Variants in ACTR6 observed in about 807,000 individuals in gnomAD.
ACTR6 encodes the protein actin related protein 6.
A neutral mutation model predicts 52.5 loss-of-function variants in ACTR6; 50 were observed. The ratio of observed to expected loss-of-function variants is 0.95; its 90% CI spans 0.76 to 1.20. The LOEUF is 1.20. ACTR6 is among the 50% of genes most tolerant of loss of function. ACTR6 has a pLI of 0.00. For missense variants in ACTR6, 344 were observed against 472.4 expected (o/e 0.73, Z 2.52); for synonymous variants, 135 against 147.2 (o/e 0.92, Z 0.60).
Position 100,210,329 on chromosome 12 carries a change from C to T in ACTR6, c.550C>T (p.Leu184=), listed in dbSNP as rs767919047. The stretch of plus-strand genomic sequence containing the variant: ...GGGAGGAAAACTCTTAACCAATCAT[C>T]TAAAGGAGATCATATCTTACAGGTG... ...NVGGKLLTNH[L]KEIISYRQLH... is the part of the protein sequence containing the mutation. Residue 184 remains leucine, a synonymous_variant, in exon 6 of 11, where the codon CTA becomes TTA. Transcript: ENST00000188312. The T allele has an allele frequency of 6.2e-7, 1 of 1,614,114 alleles. No homozygotes were observed. Among genetic ancestry groups the T allele is most frequent in the South Asian group, 1.1e-5 (1 of 91,070 alleles).
chr12:100,205,198 T>TA, intron 2 of ACTR6, 141 bp downstream of exon 2: 5 of 449,314 alleles, frequency 1.1e-5, no homozygotes, highest in East Asian at 4.1e-5. Context: ...ATTGTTTGGG[T>TA]AAAAATAAAC....
At chr12:100,213,418 C>G (rs1453568135) in intron 8 of ACTR6, among the ~76,000 whole-genome samples, 12 of 152,230 alleles carry the variant, frequency 7.9e-5, no homozygotes, top group African/African-American at 2.9e-4. Context: ...TTACTACCTT[C>G]CTGCTGGCCA....
intron 1 of ACTR6, among the ~76,000 whole-genome samples, chr12:100,201,781 C>A (rs143199559): frequency 6.6e-6 from 1 of 152,168 alleles, no homozygotes; most frequent in Non-Finnish European, 1.5e-5. Flanking sequence ...ACCACCACTC[C>A]CAGCGAATTT....
intron 3 of ACTR6, 124 bp downstream of exon 3, chr12:100,205,868 TA>T (rs2096114133): frequency 3.9e-6 from 2 of 511,624 alleles, no homozygotes; most frequent in Non-Finnish European, 6.4e-6. Flanking sequence ...AAATAAATAA[TA>T]AATGCAAGTG....
intron 2 of ACTR6, 180 bp from the exon 3 acceptor site, chr12:100,205,496 A>C (rs1413683482): frequency 2.6e-6 from 1 of 383,906 alleles, no homozygotes; most frequent in African/African-American, 2.1e-5. Flanking sequence ...GTATAATAAA[A>C]AAATTTTTTT....
intron 1 of ACTR6, chr12:100,201,138 A>G (rs1592828450): frequency 8.0e-7 from 1 of 1,256,032 alleles, no homozygotes; most frequent in Non-Finnish European, 1.0e-6. Flanking sequence ...AGTGGGATAT[A>G]TGTTTTATTT....
intron 2 of ACTR6, 96 bp downstream of exon 2, chr12:100,205,153 T>A: frequency 7.3e-6 from 5 of 684,844 alleles, no homozygotes; most frequent in East Asian, 6.6e-5. Context: ...ACTTAAATTT[T>A]AACTACAACC....
chr12:100,201,931 ATTT>A (rs572978105), intron 1 of ACTR6, among the ~76,000 whole-genome samples: 4 of 140,738 alleles, frequency 2.8e-5, no homozygotes, highest in African/African-American at 7.8e-5. Flanking sequence ...TGACAAAGCA[ATTT>A]TTTTTTTTTT....
chr12:100,212,107 C>T (rs2096120349), intron 6 of ACTR6, 149 bp from the exon 7 acceptor site: 1 of 578,958 alleles, frequency 1.7e-6, no homozygotes, highest in African/African-American at 1.9e-5. Flanking sequence ...GACAGTATTC[C>T]ATAAAGTTAA....
chr12:100,206,423 A>C (rs2096114650), intron 3 of ACTR6, among the ~76,000 whole-genome samples: 2 of 152,234 alleles, frequency 1.3e-5, no homozygotes, highest in Admixed American at 1.3e-4. Flanking sequence ...GGTTGCAGTA[A>C]GCCGAGATTG....
intron 10 of ACTR6, 21 bp from the exon 11 acceptor site, chr12:100,223,765 C>A: frequency 6.3e-7 from 1 of 1,590,496 alleles, no homozygotes; most frequent in South Asian, 1.2e-5. Context: ...CATCTGGGTT[C>A]ATTTATACCT....
chr12:100,208,772 G>T, intron 4 of ACTR6: 1 of 455,586 alleles, frequency 2.2e-6, no homozygotes, highest in Non-Finnish European at 4.4e-6. Context: ...GTTAAGTCAG[G>T]GTCTTGCTCT....
At chr12:100,217,971 CTT>C (rs1412477754) in intron 8 of ACTR6, among the ~76,000 whole-genome samples, 2 of 152,026 alleles carry the variant, frequency 1.3e-5, no homozygotes, top group Non-Finnish European at 2.9e-5. Context: ...GAAGTTCTCT[CTT>C]GTCTCTCCTC....
chr12:100,213,562 C>A (rs1592842434), intron 8 of ACTR6, among the ~76,000 whole-genome samples: 1 of 152,102 alleles, frequency 6.6e-6, no homozygotes, highest in Non-Finnish European at 1.5e-5. Context: ...TTATGGCTAA[C>A]CCATTTTTGT....
chr12:100,212,228 C>A, intron 6 of ACTR6, 28 bp from the exon 7 acceptor site: 1 of 1,456,996 alleles, frequency 6.9e-7, no homozygotes, highest in South Asian at 1.3e-5. Flanking sequence ...TGTTTTGCTT[C>A]AAATTTTACA....
intron 10 of ACTR6, among the ~76,000 whole-genome samples, 194 bp downstream of exon 10, chr12:100,220,340 G>A (rs964927821): frequency 1.3e-5 from 2 of 152,162 alleles, no homozygotes; most frequent in Non-Finnish European, 2.9e-5. Context: ...TATGTAAAGT[G>A]CCAGCCATAA....
At chr12:100,222,021 C>G (rs777166274) in intron 10 of ACTR6, among the ~76,000 whole-genome samples, 5 of 151,822 alleles carry the variant, frequency 3.3e-5, no homozygotes, top group African/African-American at 4.8e-5. Flanking sequence ...GTGGCGCAGT[C>G]TTGGCTCACC....
At chr12:100,209,652 C>T (rs1228498550) in intron 4 of ACTR6, among the ~76,000 whole-genome samples, 1 of 152,210 alleles carries the variant, frequency 6.6e-6, no homozygotes, top group Admixed American at 6.5e-5. Flanking sequence ...TACTTCCTAA[C>T]TGTGTGGCTT....
rs531524022 is a variant in ACTR6 at position 100,218,314 on chromosome 12, T to C, written c.751-101T>C. 1.2e-5 allele frequency: 8 copies of C among 666,284 alleles called. No individual in the cohort carries two copies. In the South Asian group the frequency reaches 2.2e-4, roughly 19 times the overall value. The allele number at this position is 666,284 out of a possible 1,614,324, so 41.3% of individuals were successfully genotyped here. A position where few individuals can be genotyped will look rare whatever the true frequency, so the allele number is the denominator to read the frequency against. ...GAAACTTCCAAGAACATTATTAATA[T>C]ATTATTAATATATTATTGCATATAT... On this transcript the variant is annotated intron_variant, in intron 8 of 10. Transcript: ENST00000188312. The surrounding 1 kb of genome is among the most constrained non-coding windows in gnomAD (Gnocchi z 4.2).
Sources: allele counts gnomAD v4.1 joint callset (sites outside exome capture counted in the v4.1 genomes callset), GRCh38; gene constraint gnomAD v4.1.1; non-coding constraint Gnocchi (gnomAD v3.1); transcripts MANE v1.5; gene names NCBI Gene and HGNC (gene_info 2026-07-23, HGNC 2026-07-21).